ACBD6: variants seen among roughly 807,000 people sequenced by gnomAD.
The protein encoded by ACBD6 is acyl-CoA-binding domain-containing protein 6.
ACBD6 carries 28 observed loss-of-function variants against 37.2 expected under a neutral mutation model. The ratio of observed to expected loss-of-function variants is 0.75; its 90% CI spans 0.56 to 1.03. The LOEUF is 1.03. Ranked by LOEUF, ACBD6 falls within the 50% of genes least tolerant of loss-of-function variation. ACBD6 has a pLI of 0.00. For synonymous variants in ACBD6, 113 were observed against 126.8 expected, an observed-to-expected ratio of 0.89 and a Z score of 0.73; for missense variants, 340 against 337.4, an observed-to-expected ratio of 1.01 and a Z score of -0.06.
At chr1:180,345,576 G>A (rs917834521) in intron 6 of ACBD6, among the ~76,000 whole-genome samples, 47 of 152,094 alleles carry the variant, frequency 3.1e-4, no homozygotes, top group African/African-American at 8.7e-4. Context: ...GTATTATCCA[G>A]AATAGCAAGG....
chr1:180,485,574 TG>T (rs1372916615), intron 3 of ACBD6, among the ~76,000 whole-genome samples: 1 of 152,358 alleles, frequency 6.6e-6, no homozygotes, highest in East Asian at 1.9e-4. Context: ...CACCATAAGC[TG>T]GAAGAGGCAA....
intron 3 of ACBD6, among the ~76,000 whole-genome samples, chr1:180,488,909 A>T (rs944539292): frequency 6.6e-6 from 1 of 152,174 alleles, no homozygotes; most frequent in Non-Finnish European, 1.5e-5. Context: ...GCAAGTTACT[A>T]AATCTGTCTG....
intron 3 of ACBD6, among the ~76,000 whole-genome samples, chr1:180,432,757 A>C (rs1368266671): frequency 3.3e-5 from 5 of 152,194 alleles, no homozygotes; most frequent in Non-Finnish European, 7.4e-5. Context: ...ACAAAGAATC[A>C]TAAGAGATAA....
intron 3 of ACBD6, among the ~76,000 whole-genome samples, chr1:180,451,870 G>A (rs914272097): frequency 1.3e-5 from 2 of 152,210 alleles, no homozygotes; most frequent in South Asian, 2.1e-4. Flanking sequence ...CACAGTGGGT[G>A]AATTTTAATG....
At chr1:180,468,301 G>A (rs1159682690) in intron 3 of ACBD6, among the ~76,000 whole-genome samples, 1 of 152,162 alleles carries the variant, frequency 6.6e-6, no homozygotes, top group East Asian at 1.9e-4. Flanking sequence ...TGTCCCCCAT[G>A]TCCTAAGCCC....
At chr1:180,369,177 G>A (rs941085926) in intron 6 of ACBD6, among the ~76,000 whole-genome samples, 2 of 152,234 alleles carry the variant, frequency 1.3e-5, no homozygotes, top group African/African-American at 4.8e-5. Flanking sequence ...TGGGCCTGGG[G>A]CAAGAGTATA....
chr1:180,273,899 G>A (rs1648846724), intron 11 of ACBD6: 6 of 475,374 alleles, frequency 1.3e-5, no homozygotes, highest in South Asian at 1.3e-4. Context: ...TGTAGCCAGA[G>A]TATTAGTACA....
intron 6 of ACBD6, among the ~76,000 whole-genome samples, chr1:180,334,678 TGA>T (rs1651631026): frequency 6.6e-6 from 1 of 152,108 alleles, no homozygotes; most frequent in Admixed American, 6.6e-5. Context: ...TTTGATGAGT[TGA>T]GAGAAGAAGG....
At chr1:180,434,752 C>G (rs899003964) in intron 3 of ACBD6, 4 of 594,296 alleles carry the variant, frequency 6.7e-6, no homozygotes, top group African/African-American at 5.6e-5. Context: ...ACTACCTCAA[C>G]AGGCCATAGC....
At chr1:180,286,680 A>G (rs1248572401), downstream of ACBD6, among the ~76,000 whole-genome samples, 1 of 152,250 alleles carries the variant, frequency 6.6e-6, no homozygotes, top group Non-Finnish European at 1.5e-5. Flanking sequence ...GCATTTCAGT[A>G]TGTACTAATA....
intron 3 of ACBD6, among the ~76,000 whole-genome samples, chr1:180,433,545 A>G (rs1557868518): frequency 6.6e-6 from 1 of 151,924 alleles, no homozygotes; most frequent in Non-Finnish European, 1.5e-5. Context: ...GCGATCAGAC[A>G]AGAAATAAAA....
intron 4 of ACBD6, among the ~76,000 whole-genome samples, chr1:180,426,436 C>T (rs1648584095): frequency 6.6e-6 from 1 of 152,164 alleles, no homozygotes; most frequent in African/African-American, 2.4e-5. Context: ...TCTTACTCTA[C>T]AAACCCCTAT....
chr1:180,271,563 G>A (rs200942654), exon 14 of ACBD6: 197 of 1,613,156 alleles, frequency 1.2e-4, no homozygotes, highest in South Asian at 2.7e-4. Context: ...TGTGCCCTCC[G>A]GGGATCCCAG....
intron 7 of ACBD6, among the ~76,000 whole-genome samples, chr1:180,304,098 G>A (rs1571337632): frequency 6.6e-6 from 1 of 150,876 alleles, no homozygotes; most frequent in Admixed American, 6.6e-5. Context: ...GTATTGATGG[G>A]ACGTATCTCA....
chr1:180,375,098 C>T (rs7526743), intron 6 of ACBD6, among the ~76,000 whole-genome samples: 145,414 of 152,264 alleles, frequency 0.96, 69,503 homozygotes, highest in African/African-American at 0.99. Flanking sequence ...GTTACATAAA[C>T]TATTATGAAA....
chr1:180,455,547 A>G (rs942699546), intron 3 of ACBD6, among the ~76,000 whole-genome samples: 1 of 152,110 alleles, frequency 6.6e-6, no homozygotes, highest in Admixed American at 6.5e-5. Flanking sequence ...TAGGAAACTT[A>G]TTATCACTTT....
At chr1:180,412,992 G>A (rs75765028) in intron 5 of ACBD6, among the ~76,000 whole-genome samples, 10 of 152,276 alleles carry the variant, frequency 6.6e-5, no homozygotes, top group African/African-American at 2.4e-4. Context: ...TGTATTTATT[G>A]AGCAAAGAAC....
chr1:180,444,126 G>A (rs1461017258), intron 3 of ACBD6, among the ~76,000 whole-genome samples: 2 of 151,928 alleles, frequency 1.3e-5, no homozygotes, highest in Non-Finnish European at 1.5e-5. Context: ...ATGCAGTAAT[G>A]TAATATAATT....
chr1:180,350,883 A>G (rs1318238746), intron 6 of ACBD6, among the ~76,000 whole-genome samples: 1 of 152,092 alleles, frequency 6.6e-6, no homozygotes, highest in Non-Finnish European at 1.5e-5. Context: ...CGAGTTTTCT[A>G]CTGTCTCAGA....
Sources: allele counts gnomAD v4.1 joint callset (sites outside exome capture counted in the v4.1 genomes callset), GRCh38; gene constraint gnomAD v4.1.1; transcripts MANE v1.5; gene names NCBI Gene and HGNC (gene_info 2026-07-23, HGNC 2026-07-21).